VAV3: variants seen among roughly 807,000 people sequenced by gnomAD.
VAV3 encodes the protein vav guanine nucleotide exchange factor 3, also known as guanine nucleotide exchange factor VAV3.
A neutral mutation model predicts 131.2 loss-of-function variants in VAV3; 94 were observed. The observed-to-expected ratio is 0.72, with a 90% CI of 0.61 to 0.85. The LOEUF is 0.85. Among genes scored for constraint, VAV3 ranks in the 40% least tolerant of loss-of-function variants. The pLI is 0.00. For missense variants in VAV3, 939 were observed against 1,002.7 expected, an observed-to-expected ratio of 0.94 and a Z score of 0.86; for synonymous variants, 349 against 342.0, an observed-to-expected ratio of 1.02 and a Z score of -0.22.
intron 1 of VAV3, among the ~76,000 whole-genome samples, chr1:107,929,578 G>A (rs866644231): frequency 6.6e-6 from 1 of 152,062 alleles, no homozygotes. Context: ...CCCCTAAGTA[G>A]AAAGACTAAA....
intron 25 of VAV3, among the ~76,000 whole-genome samples, chr1:107,586,551 G>A (rs765702487): frequency 6.6e-6 from 1 of 152,160 alleles, no homozygotes; most frequent in African/African-American, 2.4e-5. Context: ...GAGCCAATCA[G>A]TCAGGCAATA....
chr1:107,936,281 C>G (rs143725990), intron 1 of VAV3, among the ~76,000 whole-genome samples: 76 of 152,106 alleles, frequency 5.0e-4, no homozygotes, highest in Middle Eastern at 3.4e-3. Flanking sequence ...AAACCTCTTA[C>G]AAATTTGAGG....
At chr1:107,964,597 A>AC (rs1231266327) in intron 1 of VAV3, 69 bp downstream of exon 1, 5 of 1,533,766 alleles carry the variant, frequency 3.3e-6, no homozygotes, top group Non-Finnish European at 4.4e-6. Context: ...GCATTTACAC[A>AC]AAGAAATTAG....
chr1:107,898,640 T>C (rs1231081895), intron 1 of VAV3, among the ~76,000 whole-genome samples: 2 of 152,214 alleles, frequency 1.3e-5, no homozygotes, highest in Non-Finnish European at 2.9e-5. Flanking sequence ...TACTGTAATA[T>C]GTTTTATTAC....
chr1:107,651,939 T>C (rs975484491), intron 19 of VAV3, among the ~76,000 whole-genome samples: 1 of 152,092 alleles, frequency 6.6e-6, no homozygotes, highest in African/African-American at 2.4e-5. Context: ...CTCACTCTTT[T>C]TAGTCATGCT....
At chr1:107,786,501 T>C (rs1666013824) in intron 2 of VAV3, among the ~76,000 whole-genome samples, 1 of 152,154 alleles carries the variant, frequency 6.6e-6, no homozygotes, top group Admixed American at 6.5e-5. Context: ...ATCAAACAAG[T>C]TTACTTTCAG....
intron 1 of VAV3, among the ~76,000 whole-genome samples, chr1:107,886,273 A>C (rs1010047218): frequency 1.1e-4 from 16 of 152,232 alleles, no homozygotes; most frequent in African/African-American, 3.9e-4. Context: ...GATGAAGAAG[A>C]TGCCATTATT....
At chr1:107,898,443 T>A (rs528556698) in intron 1 of VAV3, among the ~76,000 whole-genome samples, 1 of 152,360 alleles carries the variant, frequency 6.6e-6, no homozygotes, top group South Asian at 2.1e-4. Flanking sequence ...CCACAGCCAG[T>A]GGCCTTCTGA....
chr1:107,615,373 A>G (rs951438841), intron 21 of VAV3, among the ~76,000 whole-genome samples: 7 of 152,168 alleles, frequency 4.6e-5, no homozygotes. Context: ...CATTTGATAA[A>G]TGATGCTGGG....
At chr1:107,753,513 C>CATATATACATATACATATAT (rs1663887291) in intron 12 of VAV3, among the ~76,000 whole-genome samples, 53 of 80,632 alleles carry the variant, frequency 6.6e-4, no homozygotes, top group African/African-American at 2.3e-3. Context: ...TATATACACA[C>CATATATACATATACATATAT]ATATATATAT....
chr1:107,627,253 G>A (rs1419435665), intron 20 of VAV3, among the ~76,000 whole-genome samples: 1 of 152,102 alleles, frequency 6.6e-6, no homozygotes, highest in Non-Finnish European at 1.5e-5. Context: ...TCTCTGTGAG[G>A]TATCCTGGGT....
intron 2 of VAV3, among the ~76,000 whole-genome samples, chr1:107,873,156 C>A (rs573709570): frequency 8.5e-5 from 13 of 152,216 alleles, no homozygotes; most frequent in African/African-American, 2.9e-4. Flanking sequence ...GTCAAAAATA[C>A]ATTTATCCTT....
At chr1:107,773,845 A>G (rs1665187578) in intron 4 of VAV3, among the ~76,000 whole-genome samples, 1 of 152,182 alleles carries the variant, frequency 6.6e-6, no homozygotes, top group Non-Finnish European at 1.5e-5. Context: ...GAGATATAAA[A>G]TGATGAAAAA....
chr1:107,901,325 T>G (rs1219120848), intron 1 of VAV3, among the ~76,000 whole-genome samples: 3 of 152,218 alleles, frequency 2.0e-5, no homozygotes, highest in Admixed American at 2.0e-4. Context: ...TCAGAGACAC[T>G]GCAGGATATT....
At chr1:107,778,103 T>C (rs1665468064) in intron 3 of VAV3, among the ~76,000 whole-genome samples, 2 of 152,156 alleles carry the variant, frequency 1.3e-5, no homozygotes, top group African/African-American at 4.8e-5. Flanking sequence ...GCATATCACA[T>C]GTTTCATAAA....
intron 4 of VAV3, 55 bp from the exon 5 acceptor site, chr1:107,772,898 G>T: frequency 7.1e-7 from 1 of 1,400,772 alleles, no homozygotes; most frequent in Non-Finnish European, 9.9e-7. Flanking sequence ...AAATGCAATA[G>T]CTACAAATAG....
At chr1:107,670,645 T>C (rs1002754594) in intron 19 of VAV3, among the ~76,000 whole-genome samples, 6 of 152,168 alleles carry the variant, frequency 3.9e-5, no homozygotes, top group African/African-American at 1.4e-4. Context: ...AGCTTCTCTT[T>C]AGGTGGGGAA....
chr1:107,746,479 T>G (rs1294162052), intron 15 of VAV3, among the ~76,000 whole-genome samples: 1 of 152,206 alleles, frequency 6.6e-6, no homozygotes, highest in African/African-American at 2.4e-5. Context: ...TCTGTGCATG[T>G]GCTGCAGCCA....
chr1:107,617,695 T>C, intron 20 of VAV3, 63 bp from the exon 21 acceptor site: 1 of 1,432,978 alleles, frequency 7.0e-7, no homozygotes, highest in Non-Finnish European at 9.8e-7. Context: ...AACCCCATGA[T>C]GCCCCATACA....
Sources: gnomAD v4.1 joint callset for allele counts (sites outside exome capture counted in the v4.1 genomes callset) on GRCh38, gnomAD v4.1.1 for gene constraint, MANE v1.5 for transcripts, NCBI Gene and HGNC (gene_info 2026-07-23, HGNC 2026-07-21) for gene names.